Variants in CLK4 observed in about 807,000 individuals in gnomAD.
The protein encoded by CLK4 is CDC like kinase 4, also known as dual specificity protein kinase CLK4.
A neutral mutation model predicts 64.4 loss-of-function variants in CLK4; 37 were observed. That is an observed-to-expected ratio of 0.57 (90% CI 0.44 to 0.76). CLK4 has a LOEUF of 0.76. Ranked by LOEUF, CLK4 falls within the 30% of genes least tolerant of loss-of-function variation. The pLI, the probability that CLK4 is intolerant of heterozygous loss-of-function variation, is 0.00. For missense variants in CLK4, 457 were observed against 605.1 expected (o/e 0.76, Z 2.57); for synonymous variants, 175 against 191.6 (o/e 0.91, Z 0.72).
intron 1 of CLK4, among the ~76,000 whole-genome samples, chr5:178,625,468 G>A (rs1764766519): frequency 6.6e-6 from 1 of 150,606 alleles, no homozygotes; most frequent in Admixed American, 6.6e-5. Flanking sequence ...TTCAAGTGCA[G>A]TTCTTCTGAA....
intron 10 of CLK4, among the ~76,000 whole-genome samples, chr5:178,607,332 C>T (rs1764481417): frequency 6.6e-6 from 1 of 151,938 alleles, no homozygotes; most frequent in South Asian, 2.1e-4. Context: ...GCTATTCTTC[C>T]CTGAGTAGAA....
chr5:178,623,276 G>T lies in CLK4; in HGVS notation c.141C>A (p.His47Gln), dbSNP rs1387632481. ...TQENRHCKPH[H>Q]QFKESDCHYL... is the part of the protein sequence containing the mutation. ...TTTACCAATCAGATTCTTTAAACTG[G>T]TGATGTGGTTTACAATGCCTGTTCT... The change falls in exon 2 of 13, where the codon CAC becomes CAA. Residue 47 changes from histidine to glutamine, a missense_variant. Physicochemically the swap from His to Gln is conservative, Grantham distance 24. Transcript: ENST00000316308. The T allele has an allele frequency of 1.9e-6, 3 of 1,613,590 alleles. No homozygotes were observed. The highest frequency in any genetic ancestry group is 2.5e-6 in the Non-Finnish European group (3 of 1,179,806).
At chr5:178,613,390 G>C (rs1764584761) in intron 7 of CLK4, 83 bp downstream of exon 7, 2 of 1,025,998 alleles carry the variant, frequency 1.9e-6, no homozygotes. Flanking sequence ...CTGCACTCCA[G>C]CCTGGGTGAC....
At chr5:178,616,269 T>C (rs1051647193) in intron 5 of CLK4, among the ~76,000 whole-genome samples, 4 of 152,088 alleles carry the variant, frequency 2.6e-5, no homozygotes, top group African/African-American at 9.7e-5. Context: ...TGGCTAATTT[T>C]GTATTTTTAG....
chr5:178,619,740 G>A, intron 2 of CLK4: 1 of 1,255,782 alleles, frequency 8.0e-7, no homozygotes, highest in Non-Finnish European at 1.0e-6. Context: ...AAGGTCATGG[G>A]CCTCAGGATG....
chr5:178,619,810 T>C (rs1581710507), intron 2 of CLK4: 2 of 1,289,386 alleles, frequency 1.6e-6, no homozygotes, highest in African/African-American at 1.5e-5. Flanking sequence ...TAGATTCAAT[T>C]GGCCCAGTTT....
chr5:178,619,846 A>G (rs1165107117), intron 2 of CLK4: 1 of 1,244,420 alleles, frequency 8.0e-7, no homozygotes, highest in Non-Finnish European at 1.1e-6. Context: ...ACCTGGGATG[A>G]GTGTCCTCTT....
intron 2 of CLK4, chr5:178,622,400 T>G: frequency 1.0e-6 from 1 of 985,630 alleles, no homozygotes; most frequent in South Asian, 4.7e-5. Flanking sequence ...TACTGTTTTT[T>G]AAAGTAACCC....
intron 9 of CLK4, among the ~76,000 whole-genome samples, chr5:178,611,381 T>C (rs1032939426): frequency 7.2e-5 from 11 of 152,200 alleles, no homozygotes; most frequent in Middle Eastern, 3.2e-3. Context: ...TTGTTCAATA[T>C]GGTAACCACT....
rs774334538 is a variant in CLK4 at position 178,613,831 on chromosome 5, A to G, written c.555T>C (p.His185=). The G allele has an allele frequency of 8.1e-6, 13 of 1,612,012 alleles. No individual in the cohort carries two copies. Among genetic ancestry groups the G allele is most frequent in the Non-Finnish European group, 1.0e-5 (12 of 1,178,308 alleles). The change falls in exon 6 of 13, where the codon CAT becomes CAC. Residue 185 remains histidine, a synonymous_variant. Transcript: ENST00000316308. Reference sequence around the variant, plus strand: ...CATTTTTTACGATTTTCACTGCTACATGCATGCCATCCCTTAAAAATAAAA... The same window carrying G: ...CATTTTTTACGATTTTCACTGCTACGTGCATGCCATCCCTTAAAAATAAAA... ...ECIDHGMDGM[H]VAVKIVKNVG...
intron 9 of CLK4, among the ~76,000 whole-genome samples, chr5:178,610,898 C>A (rs1764547967): frequency 6.6e-6 from 1 of 151,988 alleles, no homozygotes. Context: ...ATGGTGAAAC[C>A]CCATCTCTAC....
intron 2 of CLK4, chr5:178,619,766 T>C (rs1764678616): frequency 1.6e-6 from 2 of 1,277,974 alleles, no homozygotes; most frequent in South Asian, 1.2e-5. Context: ...GGATCCCAGT[T>C]AAGTGGCCTT....
intron 2 of CLK4, among the ~76,000 whole-genome samples, chr5:178,619,484 A>T (rs1490277348): frequency 6.6e-6 from 1 of 152,234 alleles, no homozygotes; most frequent in African/African-American, 2.4e-5. Context: ...AAAGGCATCT[A>T]AAATATATCC....
At chr5:178,614,367 A>C (rs1305061115) in intron 5 of CLK4, among the ~76,000 whole-genome samples, 2 of 152,230 alleles carry the variant, frequency 1.3e-5, no homozygotes, top group African/African-American at 2.4e-5. Context: ...GGAAGGAAAC[A>C]TCCAGGTAAA....
At chr5:178,603,990 C>A (rs1764423690) in intron 11 of CLK4, 56 bp from the exon 12 acceptor site, 1 of 1,329,138 alleles carries the variant, frequency 7.5e-7, no homozygotes, top group Non-Finnish European at 1.1e-6. Flanking sequence ...CGTATCTTTA[C>A]CCTGCACCCA....
chr5:178,622,443 C>G (rs34183525), intron 2 of CLK4: 324,426 of 982,178 alleles, frequency 0.33, 55,921 homozygotes, highest in Non-Finnish European at 0.35. Context: ...ATCTGGTAAA[C>G]AGTCCCAATG....
At position 178,608,457 on chromosome 5, in the gene CLK4, A is replaced by G; in HGVS notation, c.1053T>C (p.Ala351=). 2 of 1,600,668 alleles carry G rather than the reference A, an allele frequency of 1.2e-6. No homozygotes were observed. The highest frequency in any genetic ancestry group is 1.7e-6 in the Non-Finnish European group (2 of 1,175,386). Residue 351 remains alanine, a splice_region_variant and synonymous_variant, in exon 10 of 13, where the codon GCT becomes GCC. Coordinates refer to ENST00000316308, the MANE Select transcript of CLK4 (RefSeq NM_020666.3). ...RHYRAPEVIL[A]LGWSQPCDVW... ...CATCACAAGGCTGAGACCAACCTAA[A>G]GCTATTTTAAAACAAATAGAAACAT... is the stretch of plus-strand genomic sequence containing the variant.
intron 7 of CLK4, 75 bp downstream of exon 7, chr5:178,613,398 G>A (rs1262183430): frequency 1.0e-5 from 11 of 1,070,246 alleles, no homozygotes; most frequent in Non-Finnish European, 1.3e-5. Context: ...CAGCCTGGGT[G>A]ACAGAGCGAG....
chr5:178,608,036 A>G (rs541380990), intron 10 of CLK4, among the ~76,000 whole-genome samples: 1 of 152,348 alleles, frequency 6.6e-6, no homozygotes, highest in South Asian at 2.1e-4. Context: ...TGACTCGTTC[A>G]TGGCCATATT....
Sources: allele counts gnomAD v4.1 joint callset (sites outside exome capture counted in the v4.1 genomes callset), GRCh38; gene constraint gnomAD v4.1.1; transcripts MANE v1.5; gene names NCBI Gene and HGNC (gene_info 2026-07-23, HGNC 2026-07-21).